The following PIP5K1B variants were observed in gnomAD, a reference collection of about 807,000 sequenced individuals.
The protein encoded by PIP5K1B is phosphatidylinositol-4-phosphate 5-kinase type 1 beta.
In PIP5K1B, 42 loss-of-function variants were observed where a neutral mutation model predicts 67.0. The ratio of observed to expected loss-of-function variants is 0.63; its 90% CI spans 0.49 to 0.81. The LOEUF is 0.81. PIP5K1B is among the 30% of genes least tolerant of loss of function. The pLI is 0.00. For synonymous variants in PIP5K1B, 214 were observed against 231.4 expected (o/e 0.92, Z 0.68); for missense variants, 459 against 646.3 (o/e 0.71, Z 3.14).
chr9:68,940,004 G>A (rs1827477245), intron 13 of PIP5K1B, among the ~76,000 whole-genome samples: 1 of 152,104 alleles, frequency 6.6e-6, no homozygotes, highest in Non-Finnish European at 1.5e-5. Context: ...ACAAGGATGG[G>A]CTCTCGCATA....
chr9:68,824,421 T>C (rs1200322486), intron 4 of PIP5K1B: 8 of 321,476 alleles, frequency 2.5e-5, no homozygotes, highest in Non-Finnish European at 4.8e-5. Context: ...ATGTCTCCAG[T>C]AGGATATTTA....
chr9:68,924,546 C>A (rs1009185773), intron 12 of PIP5K1B, among the ~76,000 whole-genome samples: 1 of 151,670 alleles, frequency 6.6e-6, no homozygotes, highest in Non-Finnish European at 1.5e-5. Flanking sequence ...TATGTGGGCT[C>A]TTATTTTCCT....
chr9:68,946,389 G>A, intron 14 of PIP5K1B, among the ~76,000 whole-genome samples: 1 of 150,900 alleles, frequency 6.6e-6, no homozygotes, highest in Middle Eastern at 3.4e-3. Flanking sequence ...GTTCTTTTAT[G>A]GTTTTTTGTT....
intron 15 of PIP5K1B, among the ~76,000 whole-genome samples, chr9:69,002,128 G>A (rs1288155057): frequency 6.6e-6 from 1 of 152,180 alleles, no homozygotes; most frequent in African/African-American, 2.4e-5. Context: ...GGCACTCCAT[G>A]TGCTGCCAAC....
intron 1 of PIP5K1B, among the ~76,000 whole-genome samples, chr9:68,738,481 G>A (rs998982170): frequency 6.6e-6 from 1 of 152,206 alleles, no homozygotes; most frequent in African/African-American, 2.4e-5. Flanking sequence ...AAAGATGTGA[G>A]TACTGTTCCT....
chr9:69,005,226 T>C (rs1831024269), intron 15 of PIP5K1B, among the ~76,000 whole-genome samples: 1 of 152,216 alleles, frequency 6.6e-6, no homozygotes, highest in South Asian at 2.1e-4. Flanking sequence ...TCTTTTATTA[T>C]TATAAGACCC....
intron 14 of PIP5K1B, among the ~76,000 whole-genome samples, chr9:68,969,466 T>C (rs1829239895): frequency 6.6e-6 from 1 of 151,958 alleles, no homozygotes. Context: ...GGGGTGCTGA[T>C]TGTGTCATCA....
intron 14 of PIP5K1B, among the ~76,000 whole-genome samples, chr9:68,969,620 C>T (rs1829247736): frequency 6.6e-6 from 1 of 152,084 alleles, no homozygotes; most frequent in African/African-American, 2.4e-5. Flanking sequence ...GAAAAATGCT[C>T]ACCAGCCCAG....
At chr9:68,944,494 G>A (rs1175099124) in intron 14 of PIP5K1B, among the ~76,000 whole-genome samples, 2 of 152,168 alleles carry the variant, frequency 1.3e-5, no homozygotes, top group Non-Finnish European at 2.9e-5. Flanking sequence ...TCTTACCAGT[G>A]TCACCACTCT....
chr9:68,810,722 C>A lies in PIP5K1B; in HGVS notation c.-85-7739C>A, dbSNP rs115433366. Among the ~76,000 whole-genome samples the A allele has an allele frequency of 2.1e-3, 313 of 152,226 alleles. 1 individual carries two copies. Among genetic ancestry groups the A allele is most frequent in the Admixed American group, 3.7e-3 (57 of 15,288 alleles). On this transcript the variant is annotated intron_variant, in intron 2 of 15. Transcript: ENST00000265382. ...CCAGGCACAATATATCTAAAACTTTCGGTAACTATAGAGTTTTAAAAAGCT... is the reference window on the plus strand; with the variant it reads ...CCAGGCACAATATATCTAAAACTTTAGGTAACTATAGAGTTTTAAAAAGCT...
Position 68,737,885 on chromosome 9 carries a change from G to C in PIP5K1B, c.-242-4616G>C, listed in dbSNP as rs372486867. ...TTGTCACATTTTCTTTTATAAAAGGGGCTTCTATATTGGAAGATAATGCCA... is the reference window on the plus strand; with the variant it reads ...TTGTCACATTTTCTTTTATAAAAGGCGCTTCTATATTGGAAGATAATGCCA... On this transcript the variant is annotated intron_variant, in intron 1 of 15. Transcript: ENST00000265382. 2.2e-4 allele frequency among the ~76,000 whole-genome samples: 33 copies of C among 152,180 alleles called. No homozygotes were observed. In the East Asian group the frequency reaches 6.2e-3, roughly 28 times the overall value.
intron 2 of PIP5K1B, among the ~76,000 whole-genome samples, chr9:68,816,052 A>G (rs1833426754): frequency 6.6e-6 from 1 of 152,220 alleles, no homozygotes; most frequent in Non-Finnish European, 1.5e-5. Context: ...TAAAATAACT[A>G]TATATAATCC....
At chr9:68,941,350 G>A (rs1433286950) in intron 14 of PIP5K1B, among the ~76,000 whole-genome samples, 2 of 152,140 alleles carry the variant, frequency 1.3e-5, no homozygotes, top group Non-Finnish European at 1.5e-5. Flanking sequence ...TAATCACAGG[G>A]TTCTTGTAAG....
At chr9:68,780,076 G>C in intron 2 of PIP5K1B, 1 of 1,429,990 alleles carries the variant, frequency 7.0e-7, no homozygotes, top group Non-Finnish European at 9.1e-7. Context: ...GATTCTCGGT[G>C]GCGGCGGCAG....
intron 4 of PIP5K1B, among the ~76,000 whole-genome samples, chr9:68,834,545 G>A (rs1409713486): frequency 2.0e-5 from 3 of 152,258 alleles, no homozygotes; most frequent in Admixed American, 6.5e-5. Context: ...AGGGTCCCAC[G>A]CAGCGTCTGG....
Position 68,925,795 on chromosome 9 carries a change from A to ATTT in PIP5K1B, c.1201+2427_1201+2429dup, listed in dbSNP as rs71353094. ...ACATGAATACCAGCTTGTGGTTCCA[A>ATTT]TTTTTTTTTTTTTTTTTTTTGAGAC... On this transcript the variant is annotated intron_variant, in intron 12 of 15. Transcript: ENST00000265382. Among the ~76,000 whole-genome samples, 27 of 73,276 alleles carry ATTT rather than the reference A, an allele frequency of 3.7e-4. 6 individuals are homozygous for ATTT. The highest frequency in any genetic ancestry group is 1.3e-3 in the South Asian group (2 of 1,528). The allele number at this position is 73,276 out of a possible 152,430, so 48.1% of individuals were successfully genotyped here. A position where few individuals can be genotyped will look rare whatever the true frequency, so the allele number is the denominator to read the frequency against.
At chr9:68,711,023 T>C (rs1827367088) in intron 1 of PIP5K1B, among the ~76,000 whole-genome samples, 5 of 152,178 alleles carry the variant, frequency 3.3e-5, no homozygotes, top group Non-Finnish European at 7.3e-5. Flanking sequence ...GGTCCAGAGA[T>C]TATAATTATC....
intron 2 of PIP5K1B, among the ~76,000 whole-genome samples, chr9:68,744,013 C>T (rs565357674): frequency 6.6e-6 from 1 of 152,258 alleles, no homozygotes; most frequent in African/African-American, 2.4e-5. Flanking sequence ...AGTGGGGGTT[C>T]TTGGTGATAG....
At chr9:68,940,261 G>A (rs977923864) in intron 13 of PIP5K1B, among the ~76,000 whole-genome samples, 2 of 152,064 alleles carry the variant, frequency 1.3e-5, no homozygotes, top group Non-Finnish European at 2.9e-5. Flanking sequence ...TCACAGGGAG[G>A]GCAAAAAGGT....
Sources: allele counts gnomAD v4.1 joint callset (sites outside exome capture counted in the v4.1 genomes callset), GRCh38; gene constraint gnomAD v4.1.1; transcripts MANE v1.5; gene names NCBI Gene and HGNC (gene_info 2026-07-23, HGNC 2026-07-21).